PICALM: variants seen among roughly 807,000 people sequenced by gnomAD.
The protein encoded by PICALM is phosphatidylinositol-binding clathrin assembly protein.
In PICALM, 40 loss-of-function variants were observed where a neutral mutation model predicts 80.5. The ratio of observed to expected loss-of-function variants is 0.50; its 90% CI spans 0.39 to 0.65. The LOEUF (loss-of-function observed/expected upper bound fraction) is 0.65. PICALM is among the 30% of genes least tolerant of loss of function. PICALM has a pLI of 0.00. For missense variants in PICALM, 676 were observed against 778.9 expected, an observed-to-expected ratio of 0.87 and a Z score of 1.57; for synonymous variants, 288 against 260.3, an observed-to-expected ratio of 1.11 and a Z score of -1.02.
chr11:86,060,685 C>A (rs904466783), intron 1 of PICALM, among the ~76,000 whole-genome samples: 1 of 145,640 alleles, frequency 6.9e-6, no homozygotes, highest in African/African-American at 2.5e-5. Flanking sequence ...TACAATGCAG[C>A]AAAGATAATC....
rs562736029 is a variant in PICALM, at chr11:85,958,884, C to T, written c.*162G>A. On this transcript the variant is annotated 3_prime_UTR_variant, in exon 20 of 20. Transcript: ENST00000393346. ...TTGATACGTTCTCCTATAAACTAGT[C>T]CCAATTTCCTTCATGGGCCTTCACT... 35 of 551,426 alleles carry T rather than the reference C, an allele frequency of 6.3e-5. No individual in the cohort carries two copies. In the East Asian group the frequency reaches 9.0e-4, roughly 14 times the overall value. The allele number at this position is 551,426 out of a possible 1,614,324, so 34.2% of individuals were successfully genotyped here. A position where few individuals can be genotyped will look rare whatever the true frequency, so the allele number is the denominator to read the frequency against.
chr11:85,962,371 GCAA>G (rs1408325453), intron 19 of PICALM, among the ~76,000 whole-genome samples: 4 of 152,180 alleles, frequency 2.6e-5, no homozygotes, highest in Admixed American at 6.5e-5. Context: ...TAAAACAACA[GCAA>G]CAACAAATCC....
intron 1 of PICALM, among the ~76,000 whole-genome samples, chr11:86,066,912 T>G (rs1479410412): frequency 2.0e-5 from 3 of 152,198 alleles, no homozygotes; most frequent in Non-Finnish European, 1.5e-5. Flanking sequence ...ACATATGGCT[T>G]TACGATGCAT....
chr11:86,050,316 T>C (rs2096163416), intron 1 of PICALM, among the ~76,000 whole-genome samples: 2 of 150,750 alleles, frequency 1.3e-5, no homozygotes, highest in Admixed American at 6.6e-5. Context: ...GACAAATAAC[T>C]CAAAACTAGA....
intron 4 of PICALM, among the ~76,000 whole-genome samples, chr11:86,017,749 T>C (rs2095502930): frequency 6.6e-6 from 1 of 152,222 alleles, no homozygotes; most frequent in Non-Finnish European, 1.5e-5. Context: ...GTTAACAGTT[T>C]GTGTGCCACC....
intron 18 of PICALM, among the ~76,000 whole-genome samples, chr11:85,975,349 A>C (rs1337740608): frequency 6.6e-6 from 1 of 152,188 alleles, no homozygotes; most frequent in Non-Finnish European, 1.5e-5. Context: ...CTCTTTCTTG[A>C]GTAACTGAAA....
chr11:86,000,867 A>G, intron 10 of PICALM, 88 bp from the exon 11 acceptor site: 11 of 1,513,076 alleles, frequency 7.3e-6, no homozygotes, highest in African/African-American at 1.4e-5. Flanking sequence ...ATTTGTTCTG[A>G]TAGCAGATAT....
chr11:86,009,097 G>T (rs1010444430), intron 7 of PICALM, among the ~76,000 whole-genome samples: 2 of 151,542 alleles, frequency 1.3e-5, no homozygotes, highest in Non-Finnish European at 2.9e-5. Flanking sequence ...TTGAGGTCAG[G>T]AGTTCCAGAT....
chr11:86,037,204 A>G (rs2095857248), intron 1 of PICALM, among the ~76,000 whole-genome samples: 1 of 150,788 alleles, frequency 6.6e-6, no homozygotes, highest in Admixed American at 6.6e-5. Context: ...TCGGCCTCCC[A>G]AAGGGCTGGG....
intron 6 of PICALM, among the ~76,000 whole-genome samples, chr11:86,011,580 T>C (rs1191120663): frequency 6.6e-6 from 1 of 152,234 alleles, no homozygotes; most frequent in Non-Finnish European, 1.5e-5. Flanking sequence ...AATTATAGTA[T>C]TGAAGACTAT....
chr11:86,020,069 T>C lies in PICALM; in HGVS notation c.452+2298A>G, dbSNP rs144510293. Among the ~76,000 whole-genome samples the C allele has an allele frequency of 1.3e-3, 192 of 152,312 alleles. 1 individual carries two copies. The highest frequency in any genetic ancestry group is 1.8e-3 in the Admixed American group (27 of 15,302). On this transcript the variant is annotated intron_variant, in intron 4 of 19. Transcript: ENST00000393346. ...AGGAAAAAAATCTGCATATCAGGTG[T>C]TATCACTTATAGAAGCACTGACTAT...
intron 1 of PICALM, among the ~76,000 whole-genome samples, chr11:86,037,009 G>A (rs897271968): frequency 1.3e-5 from 2 of 151,438 alleles, no homozygotes; most frequent in Non-Finnish European, 2.9e-5. Context: ...TGCATGGCGT[G>A]ATCTCGGCTC....
At chr11:86,011,965 C>T (rs1341505037) in intron 6 of PICALM, among the ~76,000 whole-genome samples, 2 of 151,754 alleles carry the variant, frequency 1.3e-5, no homozygotes, top group Non-Finnish European at 2.9e-5. Context: ...ATTCTCCTGC[C>T]TCAGCCTAAA....
intron 1 of PICALM, among the ~76,000 whole-genome samples, chr11:86,061,474 C>T (rs1401062637): frequency 6.6e-6 from 1 of 151,720 alleles, no homozygotes; most frequent in African/African-American, 2.4e-5. Context: ...TAACGGACAC[C>T]TCACTAAAGA....
At chr11:86,056,013 G>A (rs773102595) in intron 1 of PICALM, among the ~76,000 whole-genome samples, 1 of 151,448 alleles carries the variant, frequency 6.6e-6, no homozygotes. Context: ...GCACATGCCT[G>A]TAGTCCCAGC....
chr11:86,026,164 T>G, intron 3 of PICALM, 128 bp downstream of exon 3: 1 of 601,846 alleles, frequency 1.7e-6, no homozygotes, highest in Non-Finnish European at 3.0e-6. Flanking sequence ...GTTTTTTCTT[T>G]CCTACAACCT....
intron 3 of PICALM, among the ~76,000 whole-genome samples, chr11:86,024,909 C>A (rs138166864): frequency 1.5e-4 from 23 of 152,232 alleles, no homozygotes; most frequent in African/African-American, 5.3e-4. Flanking sequence ...CAAATCTCAC[C>A]TTCTCTAAAG....
intron 18 of PICALM, among the ~76,000 whole-genome samples, 154 bp downstream of exon 18, chr11:85,976,469 T>C (rs1189484656): frequency 6.6e-6 from 1 of 152,250 alleles, no homozygotes; most frequent in Non-Finnish European, 1.5e-5. Flanking sequence ...ATTCTAGACA[T>C]ACTTATGAAA....
chr11:86,011,793 T>C (rs1421902798), intron 6 of PICALM, among the ~76,000 whole-genome samples: 1 of 152,092 alleles, frequency 6.6e-6, no homozygotes, highest in Non-Finnish European at 1.5e-5. Flanking sequence ...ATTTGTTTTT[T>C]TCCCATCTTT....
Sources: allele counts gnomAD v4.1 joint callset (sites outside exome capture counted in the v4.1 genomes callset), GRCh38; gene constraint gnomAD v4.1.1; transcripts MANE v1.5; gene names NCBI Gene and HGNC (gene_info 2026-07-23, HGNC 2026-07-21).